FRY: variants seen among roughly 807,000 people sequenced by gnomAD.
The protein encoded by FRY is protein furry homolog.
In FRY, 128 loss-of-function variants were observed where a neutral mutation model predicts 348.4. The observed-to-expected ratio is 0.37, with a 90% CI of 0.32 to 0.43. The LOEUF is 0.43. Ranked by LOEUF, FRY falls within the 20% of genes least tolerant of loss-of-function variation. The pLI is 1.00. For missense variants in FRY, 2,736 were observed against 3,695.2 expected (o/e 0.74, Z 6.73); for synonymous variants, 1,370 against 1,374.7 (o/e 1.00, Z 0.08).
intron 1 of FRY, among the ~76,000 whole-genome samples, chr13:32,036,358 T>A (rs1226646878): frequency 6.6e-6 from 1 of 152,120 alleles, no homozygotes; most frequent in Non-Finnish European, 1.5e-5. Context: ...GGCCACGGGG[T>A]CACTTCTGCT....
chr13:32,038,118 T>A (rs1386124003), intron 1 of FRY, among the ~76,000 whole-genome samples: 2 of 152,218 alleles, frequency 1.3e-5, no homozygotes, highest in Non-Finnish European at 2.9e-5. Context: ...TAAATGCTCC[T>A]GGTTTAGAAT....
intron 2 of FRY, among the ~76,000 whole-genome samples, chr13:32,086,922 G>A (rs917202244): frequency 9.8e-5 from 15 of 152,288 alleles, no homozygotes; most frequent in East Asian, 9.7e-4. Context: ...TCACAAAATA[G>A]TTAACGGACA....
At chr13:32,264,609 C>T (rs899845756) in intron 53 of FRY, among the ~76,000 whole-genome samples, 1 of 152,182 alleles carries the variant, frequency 6.6e-6, no homozygotes, top group Admixed American at 6.5e-5. Flanking sequence ...CCTTTTCCCC[C>T]TGGCCCAGGC....
chr13:32,105,063 A>T (rs1219220548), intron 3 of FRY, among the ~76,000 whole-genome samples: 2 of 152,226 alleles, frequency 1.3e-5, no homozygotes, highest in Non-Finnish European at 2.9e-5. Flanking sequence ...CCACCTGTAG[A>T]TTCAGTGGGG....
chr13:32,062,477 A>G (rs1182900563), intron 1 of FRY, among the ~76,000 whole-genome samples: 1 of 152,134 alleles, frequency 6.6e-6, no homozygotes, highest in Non-Finnish European at 1.5e-5. Flanking sequence ...TTAGGTATTA[A>G]ACTTTACTAT....
At chr13:32,214,271 A>G (rs922083471) in intron 35 of FRY, among the ~76,000 whole-genome samples, 1 of 152,176 alleles carries the variant, frequency 6.6e-6, no homozygotes, top group South Asian at 2.1e-4. Flanking sequence ...GGGTGCTTAC[A>G]GACACACTTA....
At chr13:32,077,687 C>G (rs1875175114) in intron 1 of FRY, among the ~76,000 whole-genome samples, 1 of 152,132 alleles carries the variant, frequency 6.6e-6, no homozygotes, top group African/African-American at 2.4e-5. Flanking sequence ...GCAAGAGAAG[C>G]CTTACATTTA....
chr13:32,142,491 C>T (rs1462927611), intron 11 of FRY, among the ~76,000 whole-genome samples: 4 of 152,162 alleles, frequency 2.6e-5, no homozygotes, highest in Non-Finnish European at 4.4e-5. Context: ...AATTCCTATC[C>T]CAGCTGTCGT....
chr13:32,053,161 G>C (rs1873435831), intron 1 of FRY, among the ~76,000 whole-genome samples: 1 of 152,086 alleles, frequency 6.6e-6, no homozygotes, highest in Non-Finnish European at 1.5e-5. Context: ...CATTTCAAGG[G>C]CTAAGCAGCC....
At chr13:32,088,489 T>C (rs1876035758) in intron 2 of FRY, among the ~76,000 whole-genome samples, 1 of 152,162 alleles carries the variant, frequency 6.6e-6, no homozygotes, top group Non-Finnish European at 1.5e-5. Flanking sequence ...CCCAGAAACA[T>C]AGCATTGTTA....
intron 39 of FRY, among the ~76,000 whole-genome samples, chr13:32,226,943 A>T (rs938359305): frequency 6.6e-6 from 1 of 152,258 alleles, no homozygotes. Context: ...TTAGAAACAC[A>T]AAACTCCCTT....
intron 8 of FRY, among the ~76,000 whole-genome samples, chr13:32,133,587 G>T (rs896788387): frequency 6.6e-6 from 1 of 152,004 alleles, no homozygotes; most frequent in Non-Finnish European, 1.5e-5. Flanking sequence ...GTGACTTCCC[G>T]TACTGGTGTT....
Position 32,254,210 on chromosome 13 carries a change from C to G in FRY, c.7246-14C>G. On this transcript the variant is annotated splice_polypyrimidine_tract_variant and intron_variant, in intron 50 of 60. Transcript: ENST00000542859. ...GGGAGAACGGTTTCTCAGGAGAGGA[C>G]TCTTGATTCGCAGGTGATTTTTTCA... 1 of 1,613,590 alleles carries G rather than the reference C, an allele frequency of 6.2e-7. No individual in the cohort carries two copies. Among genetic ancestry groups the G allele is most frequent in the Non-Finnish European group, 8.5e-7 (1 of 1,179,828 alleles).
At chr13:32,073,408 C>G (rs1227637239) in intron 1 of FRY, among the ~76,000 whole-genome samples, 1 of 152,196 alleles carries the variant, frequency 6.6e-6, no homozygotes, top group Non-Finnish European at 1.5e-5. Context: ...GCGGCAGCCC[C>G]AGACTGTAGC....
chr13:32,120,639 C>G (rs1015353765), intron 4 of FRY, among the ~76,000 whole-genome samples: 4 of 152,022 alleles, frequency 2.6e-5, no homozygotes, highest in African/African-American at 9.7e-5. Flanking sequence ...CCCCCCAAGT[C>G]CCCGAAGTCC....
intron 34 of FRY, among the ~76,000 whole-genome samples, chr13:32,211,777 C>T (rs1884700996): frequency 6.6e-6 from 1 of 152,142 alleles, no homozygotes; most frequent in East Asian, 1.9e-4. Flanking sequence ...AGTCTGCCTC[C>T]CTTCTGCTGA....
intron 57 of FRY, among the ~76,000 whole-genome samples, chr13:32,277,791 T>C (rs1198014643): frequency 6.6e-6 from 1 of 152,254 alleles, no homozygotes; most frequent in Non-Finnish European, 1.5e-5. Flanking sequence ...TACCTGCCAC[T>C]CTTTTCAGCT....
chr13:32,155,568 G>C lies in FRY; in HGVS notation c.1557G>C (p.Pro519=), dbSNP rs116121141. ...AGAAAGATGGGGAACCTCCCATGCCGGTTACAGGAGCCGTTCTTCCTTCAG... is the reference window on the plus strand; with the variant it reads ...AGAAAGATGGGGAACCTCCCATGCCCGTTACAGGAGCCGTTCTTCCTTCAG... The part of the protein sequence containing the change: ...LQQKDGEPPM[P]VTGAVLPSGN... The change falls in exon 15 of 61, where the codon CCG becomes CCC. Residue 519 remains proline (P), a synonymous_variant. Transcript: ENST00000542859. The C allele has an allele frequency of 2.5e-6, 4 of 1,612,500 alleles. No individual in the cohort carries two copies. The highest frequency in any genetic ancestry group is 1.3e-5 in the African/African-American group (1 of 74,996).
chr13:32,123,979 C>T (rs1292099823), intron 4 of FRY, among the ~76,000 whole-genome samples: 1 of 152,146 alleles, frequency 6.6e-6, no homozygotes, highest in African/African-American at 2.4e-5. Context: ...GGATTACAGG[C>T]ATGGGCTACC....
Sources: allele counts gnomAD v4.1 joint callset (sites outside exome capture counted in the v4.1 genomes callset), GRCh38; gene constraint gnomAD v4.1.1; transcripts MANE v1.5; gene names NCBI Gene and HGNC (gene_info 2026-07-23, HGNC 2026-07-21).